The following ANKRD53 variants were observed in gnomAD, a reference collection of about 807,000 sequenced individuals.
ANKRD53 encodes ankyrin repeat domain-containing protein 53.
In ANKRD53, 27 loss-of-function variants were observed where a neutral mutation model predicts 30.1. The observed-to-expected ratio is 0.90, with a 90% CI of 0.66 to 1.24. ANKRD53 has a LOEUF of 1.24. Ranked by LOEUF, ANKRD53 falls within the 50% of genes most tolerant of loss-of-function variation. The probability of loss-of-function intolerance (pLI) is 0.00; values close to 1 mark genes in which losing one functional copy is unlikely to be tolerated. For missense variants in ANKRD53, 682 were observed against 721.0 expected (o/e 0.95, Z 0.62); for synonymous variants, 286 against 295.4 (o/e 0.97, Z 0.33).
chr2:70,978,911 C>A lies in ANKRD53; in HGVS notation c.170+96C>A. 6.9e-7 allele frequency: 1 copy of A among 1,457,934 alleles called. No individual in the cohort carries two copies. Among genetic ancestry groups the A allele is most frequent in the Non-Finnish European group, 9.1e-7 (1 of 1,102,486 alleles). The allele number at this position is 1,457,934 out of a possible 1,614,324, so 90.3% of individuals were successfully genotyped here. A position where few individuals can be genotyped will look rare whatever the true frequency, so the allele number is the denominator to read the frequency against. ...GGCCTGGAGCGGGCGGGGGCGGAGGCTGCGGCCCGAGAAGCCAGCAGAGAC... is the reference window on the plus strand; with the variant it reads ...GGCCTGGAGCGGGCGGGGGCGGAGGATGCGGCCCGAGAAGCCAGCAGAGAC... On this transcript the variant is annotated intron_variant, in intron 1 of 5. Transcript: ENST00000360589. The surrounding 1 kb of genome is among the most constrained non-coding windows in gnomAD (Gnocchi z 4.3).
In ANKRD53 at chr2:70,982,100, G is replaced by T; in HGVS notation, c.782G>T (p.Arg261Leu). The T allele has an allele frequency of 6.2e-7, 1 of 1,600,044 alleles. No individual in the cohort carries two copies. Among genetic ancestry groups the T allele is most frequent in the Non-Finnish European group, 8.5e-7 (1 of 1,172,116 alleles). ...CKIWNHRACA[R>L]FLKDAMWKKD... is the part of the protein sequence containing the mutation. ...ATATGGAACCACCGTGCCTGTGCCC[G>T]GTGAGAGTGTGAGAACCACCTGGAG... is the stretch of plus-strand genomic sequence containing the variant. The change falls in exon 4 of 6, where the codon CGG (arginine) becomes CTG (leucine). Residue 261 changes from arginine (R) to leucine (L), a missense_variant and splice_region_variant. Physicochemically the swap from Arg to Leu is moderately radical, Grantham distance 102. Coordinates refer to ENST00000360589, the MANE Select transcript of ANKRD53 (RefSeq NM_001115116.2). The surrounding 1 kb of genome is among the most constrained non-coding windows in gnomAD (Gnocchi z 4.2).
At chr2:70,984,059 C>A in intron 5 of ANKRD53, 1 of 1,503,492 alleles carries the variant, frequency 6.7e-7, no homozygotes, top group Non-Finnish European at 9.2e-7. Flanking sequence ...CTTCTCAAGG[C>A]CCACCACTTC....
At position 70,979,703 on chromosome 2, in the gene ANKRD53, G is replaced by A; in HGVS notation, c.460G>A (p.Ala154Thr). ...IHFAAQWGKL[A>T]CLQVLVEEYK... ...CTTCGCCGCCCAATGGGGCAAGCTT[G>A]CATGCCTGCAGGTCCTGGTAGAGGA... Residue 154 changes from alanine (A) to threonine (T), a missense_variant, in exon 3 of 6, where the codon GCA becomes ACA. Ala to Thr is a moderately conservative substitution (Grantham distance 58). Coordinates refer to ENST00000360589, the MANE Select transcript of ANKRD53 (RefSeq NM_001115116.2). 6.2e-7 allele frequency: 1 copy of A among 1,614,210 alleles called. No homozygotes were observed. The highest frequency in any genetic ancestry group is 2.2e-5 in the East Asian group (1 of 44,884).
At position 70,982,381 on chromosome 2, in the gene ANKRD53, T is replaced by C; in HGVS notation, c.783-196T>C. 1.2e-6 allele frequency: 1 copy of C among 815,632 alleles called. No individual in the cohort carries two copies. The highest frequency in any genetic ancestry group is 1.9e-6 in the Non-Finnish European group (1 of 536,438). 50.5% of individuals were successfully genotyped at this position (815,632 alleles called of 1,614,324 possible). A position where few individuals can be genotyped will look rare whatever the true frequency, so the allele number is the denominator to read the frequency against. ...CAGCAGGAGGGTGGTGACCAGGTCA[T>C]CAAGGACTTTCGTCTTTCACCTAAA... is the stretch of plus-strand genomic sequence containing the variant. On this transcript the variant is annotated intron_variant, in intron 4 of 5. Transcript: ENST00000360589. This position sits in a 1 kb window ranked among gnomAD's most constrained non-coding sequence, Gnocchi z 4.2.
intron 5 of ANKRD53, chr2:70,984,362 GA>G: frequency 6.3e-7 from 1 of 1,591,544 alleles, no homozygotes; most frequent in Non-Finnish European, 8.5e-7. Context: ...CCCCCTTTGG[GA>G]GAGGTGCTTT....
Position 70,978,867 on chromosome 2 carries a change from G to T in ANKRD53, c.170+52G>T. The T allele has an allele frequency of 4.6e-6, 7 of 1,526,972 alleles. No individual in the cohort carries two copies. The highest frequency in any genetic ancestry group is 6.2e-6 in the Non-Finnish European group (7 of 1,135,690). 94.6% of individuals were successfully genotyped at this position (1,526,972 alleles called of 1,614,324 possible). A position where few individuals can be genotyped will look rare whatever the true frequency, so the allele number is the denominator to read the frequency against. On this transcript the variant is annotated intron_variant, in intron 1 of 5. Transcript: ENST00000360589. The surrounding 1 kb of genome is among the most constrained non-coding windows in gnomAD (Gnocchi z 4.3). ...CTGCAGGGAGCGAGAACCCGGCCCA[G>T]CGCCTCCCTGGTGGGCAGGGCCTGG...
At position 70,985,362 on chromosome 2, in the gene ANKRD53, CGTT is replaced by C; in HGVS notation, c.*65_*67del. On this transcript the variant is annotated 3_prime_UTR_variant, in exon 6 of 6. Transcript: ENST00000360589. Reference sequence around the variant, plus strand: ...GTGAAGGCTGAAGTGTGGCAATTCACGTTGTGGGTGGCGAGGAAAGGGGGAGGG... The same window carrying C: ...GTGAAGGCTGAAGTGTGGCAATTCACGTGGGTGGCGAGGAAAGGGGGAGGG... 1 of 1,446,952 alleles carries C rather than the reference CGTT, an allele frequency of 6.9e-7. No individual in the cohort carries two copies. The highest frequency in any genetic ancestry group is 1.3e-5 in the South Asian group (1 of 77,116). The allele number at this position is 1,446,952 out of a possible 1,614,324, so 89.6% of individuals were successfully genotyped here. A position where few individuals can be genotyped will look rare whatever the true frequency, so the allele number is the denominator to read the frequency against.
At position 70,979,788 on chromosome 2, in the gene ANKRD53, T is replaced by C; in HGVS notation, c.545T>C (p.Ile182Thr). 1 of 1,614,212 alleles carries C rather than the reference T, an allele frequency of 6.2e-7. No individual in the cohort carries two copies. The change falls in exon 3 of 6, where the codon ATC becomes ACC. Residue 182 changes from isoleucine to threonine, a missense_variant. Coordinates refer to ENST00000360589, the MANE Select transcript of ANKRD53 (RefSeq NM_001115116.2). ...NNSQTPLHLV[I>T]HRDNTTVALP... is the part of the protein sequence containing the mutation. ...AGCCAGACACCCCTGCACCTCGTCA[T>C]CCACAGGGACAACACCACCGTGGCC...
At position 70,979,871 on chromosome 2, in the gene ANKRD53, C is replaced by A. The variant is rs782247981; in HGVS notation, c.617+11C>A. 6 of 1,614,054 alleles carry A rather than the reference C, an allele frequency of 3.7e-6. No homozygotes were observed. The African/African-American group carries it at 5.3e-5, about 14-fold the overall frequency. ...CGCAGACCTCAATGCGTGAGTCCAG[C>A]CTGCTTCAGGAGGGAGGCTTCGGGC... is the stretch of plus-strand genomic sequence containing the variant. On this transcript the variant is annotated intron_variant, in intron 3 of 5. Coordinates refer to ENST00000360589, the MANE Select transcript of ANKRD53 (RefSeq NM_001115116.2).
chr2:70,982,222 AT>A lies in ANKRD53; in HGVS notation c.782+123del, dbSNP rs2104856812. On this transcript the variant is annotated intron_variant, in intron 4 of 5. Transcript: ENST00000360589. The surrounding 1 kb of genome is among the most constrained non-coding windows in gnomAD (Gnocchi z 4.2). The stretch of plus-strand genomic sequence containing the variant: ...GGTTGGGAAGCCAGACAGCTGGAGG[AT>A]GCGCCTACTGCCCAGGATATTTTGG... 8.4e-7 allele frequency: 1 copy of A among 1,192,894 alleles called. No homozygotes were observed. Among genetic ancestry groups the A allele is most frequent in the South Asian group, 1.6e-5 (1 of 61,962 alleles). 73.9% of individuals were successfully genotyped at this position (1,192,894 alleles called of 1,614,324 possible).
Position 70,979,125 on chromosome 2 carries a change from C to T in ANKRD53, c.199C>T (p.Leu67Phe). The T allele has an allele frequency of 1.9e-6, 3 of 1,606,288 alleles. No homozygotes were observed. Among genetic ancestry groups the T allele is most frequent in the Non-Finnish European group, 1.7e-6 (2 of 1,178,208 alleles). ...GCCCCTGCCCGACCTCGCAGACCAC[C>T]TCAGTGCGCAGGCGACTGCCCTCGC... ...SQPLPDLADHLSAQATALARP... is the reference protein window; with the variant it reads ...SQPLPDLADHFSAQATALARP... The change falls in exon 2 of 6, where the codon CTC becomes TTC. Residue 67 changes from leucine (L) to phenylalanine (F), a missense_variant. Transcript: ENST00000360589.
chr2:70,978,852 C>CG lies in ANKRD53; in HGVS notation c.170+38dup, dbSNP rs781826382. ...GAGAAGGTGTCCCGGCTGCAGGGAG[C>CG]GAGAACCCGGCCCAGCGCCTCCCTG... On this transcript the variant is annotated intron_variant, in intron 1 of 5. Coordinates refer to ENST00000360589, the MANE Select transcript of ANKRD53 (RefSeq NM_001115116.2). This position sits in a 1 kb window ranked among gnomAD's most constrained non-coding sequence, Gnocchi z 4.3. 2.6e-6 allele frequency: 4 copies of CG among 1,535,368 alleles called. No individual in the cohort carries two copies. Among genetic ancestry groups the CG allele is most frequent in the Middle Eastern group, 2.2e-4 (1 of 4,578 alleles).
rs782112367 is a variant in ANKRD53, at chr2:70,978,791, C to T, written c.146C>T (p.Thr49Ile). The change falls in exon 1 of 6, where the codon ACT becomes ATT. Residue 49 changes from threonine to isoleucine, a missense_variant. By Grantham distance (89) the Thr-to-Ile change is moderately conservative. Transcript: ENST00000360589. The surrounding 1 kb of genome is among the most constrained non-coding windows in gnomAD (Gnocchi z 4.3). ...ANKVSLKATWTDAESKQPSQP... is the reference protein window; with the variant it reads ...ANKVSLKATWIDAESKQPSQP... ...AAAGTCTCCTTGAAGGCCACCTGGA[C>T]TGACGCGGAGTCCAAGCAGCCCAGG... 1 of 1,571,376 alleles carries T rather than the reference C, an allele frequency of 6.4e-7. No homozygotes were observed. The highest frequency in any genetic ancestry group is 1.2e-5 in the South Asian group (1 of 85,364).
chr2:70,979,550 C>G (rs1341682360), intron 2 of ANKRD53, 111 bp from the exon 3 acceptor site: 2 of 1,409,596 alleles, frequency 1.4e-6, no homozygotes, highest in African/African-American at 2.9e-5. Flanking sequence ...TGTGAGCATT[C>G]CTGGGGACAC....
Position 70,982,602 on chromosome 2 carries a change from A to T in ANKRD53, c.808A>T (p.Lys270Ter), listed in dbSNP as rs1670044040. The T allele has an allele frequency of 5.6e-6, 9 of 1,614,124 alleles. No homozygotes were observed. Among genetic ancestry groups the T allele is most frequent in the Non-Finnish European group, 7.6e-6 (9 of 1,180,004 alleles). Residue 270 changes from lysine to a stop codon, truncating the protein, a stop_gained, in exon 5 of 6, where the codon AAG becomes TAG. Coordinates refer to ENST00000360589, the MANE Select transcript of ANKRD53 (RefSeq NM_001115116.2). LOFTEE classifies it high-confidence loss of function. This position sits in a 1 kb window ranked among gnomAD's most constrained non-coding sequence, Gnocchi z 4.2. ...GTTCTTGAAGGATGCCATGTGGAAA[A>T]AGGACAAGAAGGACTTTGCCCGTGA... is the stretch of plus-strand genomic sequence containing the variant. The part of the protein sequence containing the change: ...ARFLKDAMWK[K>*]DKKDFAREMT...
chr2:70,985,015 GCA>G lies in ANKRD53; in HGVS notation c.1313_1314del (p.Thr438SerfsTer15). ...CTGATGGGCACGGCGGTGCGCGGCTGCACACAGTGGACGGCCACTGGGTGGCG... is the reference window on the plus strand; with the variant it reads ...CTGATGGGCACGGCGGTGCGCGGCTGCACAGTGGACGGCCACTGGGTGGCG... ...RPDGHGGARL[H>X]TVDGHWVAPV... On this transcript the variant is annotated frameshift_variant, in exon 6 of 6. Transcript: ENST00000360589. LOFTEE classifies it low-confidence loss of function (END_TRUNC). 4 of 1,548,998 alleles carry G rather than the reference GCA, an allele frequency of 2.6e-6. No individual in the cohort carries two copies. Among genetic ancestry groups the G allele is most frequent in the Non-Finnish European group, 3.5e-6 (4 of 1,146,540 alleles).
In ANKRD53 at chr2:70,978,834, T is replaced by C. The variant is rs1197589437; in HGVS notation, c.170+19T>C. On this transcript the variant is annotated intron_variant, in intron 1 of 5. Coordinates refer to ENST00000360589, the MANE Select transcript of ANKRD53 (RefSeq NM_001115116.2). The surrounding 1 kb of genome is among the most constrained non-coding windows in gnomAD (Gnocchi z 4.3). ...AGCCCAGGTGGGTAGCGGGAGAAGG[T>C]GTCCCGGCTGCAGGGAGCGAGAACC... The C allele has an allele frequency of 2.6e-6, 4 of 1,550,042 alleles. No individual in the cohort carries two copies. The highest frequency in any genetic ancestry group is 3.5e-6 in the Non-Finnish European group (4 of 1,147,920).
At chr2:70,984,376 C>T (rs1670106790) in intron 5 of ANKRD53, 13 of 1,581,600 alleles carry the variant, frequency 8.2e-6, no homozygotes, top group Non-Finnish European at 1.1e-5. Context: ...GGTGCTTTGT[C>T]TCCCCACTCA....
chr2:70,984,918 A>T lies in ANKRD53; in HGVS notation c.1211A>T (p.Gln404Leu). The change falls in exon 6 of 6, where the codon CAG (glutamine) becomes CTG (leucine). Residue 404 changes from glutamine to leucine, a missense_variant. Coordinates refer to ENST00000360589, the MANE Select transcript of ANKRD53 (RefSeq NM_001115116.2). ...CCCACCACCCAGATCAGCCACTCGC[A>T]GGGCATCCGCCTGGGCGTGCATCCA... The part of the protein sequence containing the change: ...RPPTTQISHS[Q>L]GIRLGVHPDP... 2 of 1,550,890 alleles carry T rather than the reference A, an allele frequency of 1.3e-6. No homozygotes were observed. Among genetic ancestry groups the T allele is most frequent in the South Asian group, 2.4e-5 (2 of 84,054 alleles).
Sources: allele counts gnomAD v4.1 joint callset, GRCh38; gene constraint gnomAD v4.1.1; non-coding constraint Gnocchi (gnomAD v3.1); transcripts MANE v1.5; gene names NCBI Gene and HGNC (gene_info 2026-07-23, HGNC 2026-07-21).